PITPNM2: variants seen among roughly 807,000 people sequenced by gnomAD.
The protein encoded by PITPNM2 is phosphatidylinositol transfer protein membrane associated 2, also known as membrane-associated phosphatidylinositol transfer protein 2.
Under a neutral mutation model 132.2 loss-of-function variants are expected in PITPNM2, and 35 were observed. The observed-to-expected ratio is 0.26, with a 90% CI of 0.20 to 0.35. PITPNM2 has a LOEUF of 0.35. PITPNM2 is among the 10% of genes least tolerant of loss of function. The pLI is 1.00. For missense variants in PITPNM2, 1,332 were observed against 1,912.0 expected, an observed-to-expected ratio of 0.70 and a Z score of 5.66; for synonymous variants, 738 against 799.2, an observed-to-expected ratio of 0.92 and a Z score of 1.29.
chr12:123,045,596 TA>T (rs2040626327), intron 2 of PITPNM2, among the ~76,000 whole-genome samples: 1 of 152,198 alleles, frequency 6.6e-6, no homozygotes, highest in East Asian at 1.9e-4. Context: ...TACCTCCCAA[TA>T]AACTTCCACT....
chr12:123,067,767 C>T (rs2041474705), intron 2 of PITPNM2, among the ~76,000 whole-genome samples: 1 of 152,162 alleles, frequency 6.6e-6, no homozygotes, highest in South Asian at 2.1e-4. Context: ...ACGGCAGCCC[C>T]AGGAAACTAG....
chr12:123,127,812 C>T (rs1212045165), intron 1 of PITPNM2, among the ~76,000 whole-genome samples: 13 of 151,878 alleles, frequency 8.6e-5, no homozygotes, highest in East Asian at 1.9e-4. Flanking sequence ...GGTTTCACCG[C>T]GTTAGCCAGG....
In PITPNM2 at chr12:123,004,243, G is replaced by A. The variant is rs532967762; in HGVS notation, c.1048+151C>T. 23 of 697,160 alleles carry A rather than the reference G, an allele frequency of 3.3e-5. No individual in the cohort carries two copies. In the South Asian group the frequency reaches 4.1e-4, roughly 12 times the overall value. The allele number at this position is 697,160 out of a possible 1,614,324, so 43.2% of individuals were successfully genotyped here. On this transcript the variant is annotated intron_variant, in intron 8 of 25. Coordinates refer to ENST00000320201, the MANE Select transcript of PITPNM2 (RefSeq NM_020845.3). This position sits in a 1 kb window ranked among gnomAD's most constrained non-coding sequence, Gnocchi z 4.9. The stretch of plus-strand genomic sequence containing the variant: ...TGTGCACTGCCCCAAACACCAGGCT[G>A]TCCACCTGGGACAGTGCAGGTATAG...
chr12:123,038,186 A>G (rs1005211741), intron 2 of PITPNM2, among the ~76,000 whole-genome samples: 3 of 152,282 alleles, frequency 2.0e-5, no homozygotes, highest in Non-Finnish European at 4.4e-5. Context: ...TCTGCCCACA[A>G]GGAACTAAAG....
chr12:123,119,873 T>C (rs371824667), intron 1 of PITPNM2, among the ~76,000 whole-genome samples: 1 of 151,964 alleles, frequency 6.6e-6, no homozygotes, highest in South Asian at 2.1e-4. Flanking sequence ...CAAGAAAAAG[T>C]TCTGTTGGGA....
chr12:123,137,763 C>T (rs747942860), intron 1 of PITPNM2, among the ~76,000 whole-genome samples: 7 of 151,598 alleles, frequency 4.6e-5, no homozygotes, highest in Non-Finnish European at 8.8e-5. Flanking sequence ...CGTGGTGGTG[C>T]GTGTCTGTAG....
chr12:123,034,419 G>C lies in PITPNM2; in HGVS notation c.78+94C>G. 5 of 1,217,360 alleles carry C rather than the reference G, an allele frequency of 4.1e-6. No homozygotes were observed. In the South Asian group the frequency reaches 6.3e-5, roughly 15 times the overall value. 75.4% of individuals were successfully genotyped at this position (1,217,360 alleles called of 1,614,324 possible). On this transcript the variant is annotated intron_variant, in intron 3 of 25. Transcript: ENST00000320201. ...GAAGTTCTGGGGCAGGCACTGCACT[G>C]TGAAGGCCACAACTCCACCTAACCC...
At position 123,106,926 on chromosome 12, in the gene PITPNM2, AGAG is replaced by A. The variant is rs1301525852; in HGVS notation, c.-96+3456_-96+3458del. ...TCCCATGTGGGACTAGGGCTGCCTG[AGAG>A]GAGGGACTAGGAAGCAAGGCCCTCG... On this transcript the variant is annotated intron_variant, in intron 2 of 25. Coordinates refer to ENST00000320201, the MANE Select transcript of PITPNM2 (RefSeq NM_020845.3). The surrounding 1 kb of genome is among the most constrained non-coding windows in gnomAD (Gnocchi z 4.4). Among the ~76,000 whole-genome samples, 2 of 152,204 alleles carry A rather than the reference AGAG, an allele frequency of 1.3e-5. No individual in the cohort carries two copies. The highest frequency in any genetic ancestry group is 2.9e-5 in the Non-Finnish European group (2 of 68,028).
chr12:123,074,042 G>C (rs1170301227), intron 2 of PITPNM2, among the ~76,000 whole-genome samples: 1 of 152,238 alleles, frequency 6.6e-6, no homozygotes, highest in Admixed American at 6.5e-5. Context: ...GCCCGGTGCA[G>C]AGCAGGTTGC....
At chr12:123,076,108 T>C (rs1002507192) in intron 2 of PITPNM2, 3 of 152,248 alleles carry the variant, frequency 2.0e-5, no homozygotes, top group Admixed American at 2.0e-4. Flanking sequence ...AACTAGCACA[T>C]GGCCTCCCCG....
intron 8 of PITPNM2, among the ~76,000 whole-genome samples, chr12:123,003,944 G>A (rs1203368669): frequency 1.3e-5 from 2 of 152,200 alleles, no homozygotes; most frequent in Admixed American, 1.3e-4. Flanking sequence ...CACTTCACAT[G>A]TTTTCTGCTT....
intron 10 of PITPNM2, among the ~76,000 whole-genome samples, chr12:122,999,421 G>C (rs1271663997): frequency 6.6e-6 from 1 of 152,218 alleles, no homozygotes. Flanking sequence ...GCCCTGTTGG[G>C]CTTTGACAAG....
At chr12:122,987,708 C>T (rs2037996298) in intron 21 of PITPNM2, 49 bp from the exon 22 acceptor site, 10 of 1,611,598 alleles carry the variant, frequency 6.2e-6, no homozygotes, top group Middle Eastern at 3.3e-4. Context: ...GCCTCTCCAC[C>T]CCCTGCACCC....
rs536610196 is a variant in PITPNM2 at position 123,047,084 on chromosome 12, G to A, written c.-95-12399C>T. Among the ~76,000 whole-genome samples the A allele has an allele frequency of 2.2e-3, 337 of 152,252 alleles. 2 individuals are homozygous for A. Among genetic ancestry groups the A allele is most frequent in the African/African-American group, 7.8e-3 (323 of 41,546 alleles). On this transcript the variant is annotated intron_variant, in intron 2 of 25. Coordinates refer to ENST00000320201, the MANE Select transcript of PITPNM2 (RefSeq NM_020845.3). ...CTCCCAAGGTGGAAAAGGTAACAAT[G>A]CTCCCATTTTTGGAAGAAATGAAAG...
rs1337126106 is a variant in PITPNM2, at chr12:123,064,285, G to A, written c.-95-29600C>T. On this transcript the variant is annotated intron_variant, in intron 2 of 25. Coordinates refer to ENST00000320201, the MANE Select transcript of PITPNM2 (RefSeq NM_020845.3). The surrounding 1 kb of genome is among the most constrained non-coding windows in gnomAD (Gnocchi z 4.0). ...CGACAGGGACTTGGTCAAGGTCATCGGGCAAGTCAGTAGCAGGGAAGGGAT... is the reference window on the plus strand; with the variant it reads ...CGACAGGGACTTGGTCAAGGTCATCAGGCAAGTCAGTAGCAGGGAAGGGAT... Among the ~76,000 whole-genome samples the A allele has an allele frequency of 2.0e-5, 3 of 152,140 alleles. No homozygotes were observed. Among genetic ancestry groups the A allele is most frequent in the Non-Finnish European group, 4.4e-5 (3 of 68,024 alleles).
chr12:122,994,879 T>C lies in PITPNM2; in HGVS notation c.2155A>G (p.Ile719Val), dbSNP rs764888218. 6.2e-7 allele frequency: 1 copy of C among 1,612,122 alleles called. No homozygotes were observed. The highest frequency in any genetic ancestry group is 8.5e-7 in the Non-Finnish European group (1 of 1,179,918). Reference sequence around the variant, plus strand: ...CACCCGAAGAGGAAGAGGTCGGTGATCTCAAAGTCAAACCTGCCCAGGGCA... The same window carrying C: ...CACCCGAAGAGGAAGAGGTCGGTGACCTCAAAGTCAAACCTGCCCAGGGCA... ...TGALGRFDFE[I>V]TDLFLFGCPL... is the part of the protein sequence containing the mutation. Residue 719 changes from isoleucine (I) to valine (V), a missense_variant, in exon 15 of 26, where the codon ATC becomes GTC. Coordinates refer to ENST00000320201, the MANE Select transcript of PITPNM2 (RefSeq NM_020845.3). The surrounding 1 kb of genome is among the most constrained non-coding windows in gnomAD (Gnocchi z 5.4).
chr12:123,010,758 G>C (rs779884412), intron 5 of PITPNM2: 3 of 154,996 alleles, frequency 1.9e-5, no homozygotes, highest in African/African-American at 7.2e-5. Context: ...AGTTCCCTGA[G>C]AGCCAAGTGG....
chr12:123,144,311 G>A (rs1439495134), intron 1 of PITPNM2, among the ~76,000 whole-genome samples: 1 of 152,246 alleles, frequency 6.6e-6, no homozygotes, highest in East Asian at 1.9e-4. Context: ...TTGGGTGCAA[G>A]ATGATTATGA....
At chr12:123,021,572 G>T in intron 3 of PITPNM2, 1 of 782,018 alleles carries the variant, frequency 1.3e-6, no homozygotes, top group Non-Finnish European at 1.6e-6. Flanking sequence ...TCTGTGCTCA[G>T]CCTGGGAATC....
Sources: gnomAD v4.1 joint callset for allele counts (sites outside exome capture counted in the v4.1 genomes callset) on GRCh38, gnomAD v4.1.1 for gene constraint, Gnocchi (gnomAD v3.1) non-coding constraint, MANE v1.5 for transcripts, NCBI Gene and HGNC (gene_info 2026-07-23, HGNC 2026-07-21) for gene names.